Variants in PCDH11X observed in about 807,000 individuals in gnomAD.
The protein encoded by PCDH11X is protocadherin 11 X-linked.
A neutral mutation model predicts 53.3 loss-of-function variants in PCDH11X; 18 were observed. The ratio of observed to expected loss-of-function variants is 0.34; its 90% CI spans 0.23 to 0.50. The LOEUF (loss-of-function observed/expected upper bound fraction) is 0.50, where lower values mean the gene tolerates loss of function less well. Among genes scored for constraint, PCDH11X ranks in the 20% least tolerant of loss-of-function variants. The pLI is 0.98. For missense variants in PCDH11X, 570 were observed against 1,032.4 expected (o/e 0.55, Z 6.14); for synonymous variants, 279 against 393.3 (o/e 0.71, Z 3.44).
intron 1 of PCDH11X, among the ~76,000 whole-genome samples, chrX:91,794,672 A>C (rs959887399): frequency 3.7e-4 from 40 of 109,294 alleles, no homozygotes; most frequent in African/African-American, 1.3e-3. Flanking sequence ...AAATGAAGAA[A>C]GTAGGAATTA....
At chrX:92,117,966 T>C (rs2064674015) in intron 6 of PCDH11X, among the ~76,000 whole-genome samples, 1 of 111,943 alleles carries the variant, frequency 8.9e-6, no homozygotes, top group Non-Finnish European at 1.9e-5. Context: ...TAATAACATT[T>C]ATGGCTCTTG....
chrX:92,587,677 C>A (rs1159145049), intron 10 of PCDH11X, among the ~76,000 whole-genome samples: 1 of 108,572 alleles, frequency 9.2e-6, no homozygotes, highest in Non-Finnish European at 1.9e-5. Flanking sequence ...TTTCTGACTT[C>A]TTCTCAGTAA....
At chrX:92,296,549 C>T (rs1367290478) in intron 8 of PCDH11X, among the ~76,000 whole-genome samples, 1 of 111,481 alleles carries the variant, frequency 9.0e-6, no homozygotes, top group Non-Finnish European at 1.9e-5. Context: ...GCGTCCAGCT[C>T]CATCCATGTT....
chrX:91,822,321 G>A (rs1404099677), intron 4 of PCDH11X, among the ~76,000 whole-genome samples: 1 of 105,412 alleles, frequency 9.5e-6, no homozygotes, highest in African/African-American at 3.6e-5. Context: ...TTTTTGGTTG[G>A]TAAGCTATTG....
chrX:91,817,565 C>G (rs924628951), intron 4 of PCDH11X, among the ~76,000 whole-genome samples: 1 of 111,192 alleles, frequency 9.0e-6, no homozygotes, highest in African/African-American at 3.3e-5. Context: ...TAGAAATATT[C>G]TAAAATCTGT....
At chrX:92,147,989 CTTT>C in intron 6 of PCDH11X, among the ~76,000 whole-genome samples, 1 of 81,008 alleles carries the variant, frequency 1.2e-5, no homozygotes, top group African/African-American at 6.0e-5. Flanking sequence ...TCCTTCCTTT[CTTT>C]CTTTCTTTCT....
intron 9 of PCDH11X, among the ~76,000 whole-genome samples, chrX:92,452,210 G>A (rs1004916431): frequency 4.6e-4 from 47 of 101,101 alleles, no homozygotes; most frequent in Middle Eastern, 5.3e-3. Flanking sequence ...ATATTCATCC[G>A]AACCATACGA....
At chrX:92,351,777 G>A (rs1460402675) in intron 8 of PCDH11X, among the ~76,000 whole-genome samples, 5 of 111,485 alleles carry the variant, frequency 4.5e-5, no homozygotes, top group South Asian at 3.8e-4. Flanking sequence ...GTGAGCTTCC[G>A]TTGCGTTGGG....
rs756963173 is a variant in PCDH11X at position 92,341,713 on chromosome X, G to A, written c.3145-46022G>A. Among the ~76,000 whole-genome samples, 6 of 111,007 alleles carry A rather than the reference G, an allele frequency of 5.4e-5. No homozygotes were observed. The East Asian group carries it at 1.7e-3, about 32-fold the overall frequency. ...GTACTAAACCATTCGTGAGTCGTCCGACTCCATGATCTAATTACTCTCACC... is the reference window on the plus strand; with the variant it reads ...GTACTAAACCATTCGTGAGTCGTCCAACTCCATGATCTAATTACTCTCACC... On this transcript the variant is annotated intron_variant, in intron 8 of 10. Coordinates refer to ENST00000682573, the MANE Select transcript of PCDH11X (RefSeq NM_032968.5).
chrX:91,962,775 T>C (rs1356448115), intron 6 of PCDH11X, among the ~76,000 whole-genome samples: 1 of 110,766 alleles, frequency 9.0e-6, no homozygotes, highest in Non-Finnish European at 1.9e-5. Flanking sequence ...CATATATCTT[T>C]TAAAATCTAG....
At chrX:92,148,127 T>C (rs1481691743) in intron 6 of PCDH11X, among the ~76,000 whole-genome samples, 7 of 15,471 alleles carry the variant, frequency 4.5e-4, no homozygotes, top group East Asian at 7.2e-3. Flanking sequence ...TCTTTCTTTC[T>C]TTCTTTTTCC....
In PCDH11X at chrX:92,334,086, C is replaced by G. The variant is rs2069557087; in HGVS notation, c.3145-53649C>G. On this transcript the variant is annotated intron_variant, in intron 8 of 10. Transcript: ENST00000682573. ...TGAAATTTCTGACAATTTGGAAAAACTTACAAACTGTGTAGCCTACAAAAA... is the reference window on the plus strand; with the variant it reads ...TGAAATTTCTGACAATTTGGAAAAAGTTACAAACTGTGTAGCCTACAAAAA... Among the ~76,000 whole-genome samples the G allele has an allele frequency of 4.5e-5, 5 of 111,345 alleles. No individual in the cohort carries two copies. The South Asian group carries it at 1.9e-3, about 42-fold the overall frequency.
chrX:92,319,362 C>T (rs4893315), intron 8 of PCDH11X, among the ~76,000 whole-genome samples: 19,065 of 110,884 alleles, frequency 0.17, 2,267 homozygotes, highest in East Asian at 0.75. Flanking sequence ...AAACAAAGAT[C>T]GATACAGGAA....
At chrX:92,282,067 G>A (rs1322213303) in intron 8 of PCDH11X, among the ~76,000 whole-genome samples, 1 of 110,933 alleles carries the variant, frequency 9.0e-6, no homozygotes, top group African/African-American at 3.3e-5. Flanking sequence ...AAGAAGAGGA[G>A]CAGAGGAGGG....
At chrX:92,036,373 A>G (rs1459862534) in intron 6 of PCDH11X, among the ~76,000 whole-genome samples, 2 of 108,459 alleles carry the variant, frequency 1.8e-5, no homozygotes, top group Admixed American at 1.0e-4. Flanking sequence ...GCCACTTGTC[A>G]TGGGAGGAAC....
chrX:91,957,766 G>T (rs2061729479), intron 6 of PCDH11X, among the ~76,000 whole-genome samples: 1 of 109,025 alleles, frequency 9.2e-6, no homozygotes, highest in African/African-American at 3.4e-5. Context: ...TCTGCCCCTA[G>T]AAGCTGTCTG....
intron 7 of PCDH11X, among the ~76,000 whole-genome samples, chrX:92,206,662 G>T (rs2066481813): frequency 9.0e-6 from 1 of 110,511 alleles, no homozygotes; most frequent in Non-Finnish European, 1.9e-5. Context: ...AAGTAGCTGG[G>T]ATTACAGGTG....
At chrX:91,870,307 G>C (rs949388591) in intron 5 of PCDH11X, among the ~76,000 whole-genome samples, 4 of 111,308 alleles carry the variant, frequency 3.6e-5, no homozygotes, top group African/African-American at 1.3e-4. Context: ...GGAGAAACCA[G>C]AGTAGTGATA....
chrX:91,970,175 C>G (rs916755072), intron 6 of PCDH11X, among the ~76,000 whole-genome samples: 1 of 110,896 alleles, frequency 9.0e-6, no homozygotes, highest in African/African-American at 3.3e-5. Context: ...CTCTTTAAGG[C>G]AGTGCGGACC....
Sources: gnomAD v4.1 joint callset for allele counts (sites outside exome capture counted in the v4.1 genomes callset) on GRCh38, gnomAD v4.1.1 for gene constraint, MANE v1.5 for transcripts, NCBI Gene and HGNC (gene_info 2026-07-23, HGNC 2026-07-21) for gene names.